The following DENND4C variants were observed in gnomAD, a reference collection of about 807,000 sequenced individuals.
The protein encoded by DENND4C is DENN domain containing 4C.
In DENND4C, 108 loss-of-function variants were observed where a neutral mutation model predicts 203.0. That is an observed-to-expected ratio of 0.53 (90% confidence interval 0.46 to 0.62). The LOEUF (loss-of-function observed/expected upper bound fraction) is 0.62. Ranked by LOEUF, DENND4C falls within the 20% of genes least tolerant of loss-of-function variation. DENND4C has a pLI of 0.00. For missense variants in DENND4C, 2,481 were observed against 2,301.2 expected (o/e 1.08, Z -1.60); for synonymous variants, 871 against 792.4 (o/e 1.10, Z -1.67).
chr9:19,352,275 G>A, intron 25 of DENND4C, 93 bp downstream of exon 25: 1 of 1,228,430 alleles, frequency 8.1e-7, no homozygotes, highest in African/African-American at 1.5e-5. Flanking sequence ...TACCCTTGTG[G>A]ACAGTATAAT....
chr9:19,288,293 C>A (rs901580429), intron 3 of DENND4C, among the ~76,000 whole-genome samples: 5 of 152,180 alleles, frequency 3.3e-5, no homozygotes, highest in African/African-American at 1.2e-4. Flanking sequence ...AATTTGGGCT[C>A]CAGTGCACAC....
intron 9 of DENND4C, among the ~76,000 whole-genome samples, chr9:19,304,862 T>G (rs2131370938): frequency 6.6e-6 from 1 of 152,050 alleles, no homozygotes; most frequent in African/African-American, 2.4e-5. Context: ...AATTTTTTTT[T>G]GTTGAGCTCT....
intron 2 of DENND4C, among the ~76,000 whole-genome samples, chr9:19,277,006 C>T (rs1035683873): frequency 5.9e-5 from 9 of 151,822 alleles, no homozygotes; most frequent in African/African-American, 2.2e-4. Flanking sequence ...CAGTGAAGGA[C>T]ATTCTTTTTT....
At chr9:19,292,347 A>T (rs899792182) in intron 5 of DENND4C, 1 of 151,934 alleles carries the variant, frequency 6.6e-6, no homozygotes, top group Non-Finnish European at 1.5e-5. Flanking sequence ...GCCTCTTATT[A>T]TATCATGGTG....
chr9:19,370,623 A>C (rs1459429588), intron 31 of DENND4C, among the ~76,000 whole-genome samples: 1 of 152,226 alleles, frequency 6.6e-6, no homozygotes, highest in African/African-American at 2.4e-5. Context: ...ATACCCACAC[A>C]TCTTTTCTTT....
chr9:19,370,136 A>C (rs1239222603), intron 31 of DENND4C, 149 bp downstream of exon 31: 20 of 948,142 alleles, frequency 2.1e-5, no homozygotes, highest in Non-Finnish European at 3.2e-5. Flanking sequence ...AGATATATAC[A>C]TTCCTACTTG....
rs745519123 is a variant in DENND4C at position 19,316,701 on chromosome 9, C to G, written c.1669C>G (p.Gln557Glu). The G allele has an allele frequency of 1.9e-6, 3 of 1,614,074 alleles. No homozygotes were observed. Among genetic ancestry groups the G allele is most frequent in the Non-Finnish European group, 2.5e-6 (3 of 1,179,994 alleles). ...ADFSWQKKMT[Q>E]LEMEIQEAFL... Reference sequence around the variant, plus strand: ...TTTCTCCTGGCAAAAGAAGATGACACAGCTTGAGATGGAAATTCAAGAGGC... The same window carrying G: ...TTTCTCCTGGCAAAAGAAGATGACAGAGCTTGAGATGGAAATTCAAGAGGC... The change falls in exon 12 of 33, where the codon CAG becomes GAG. Residue 557 changes from glutamine to glutamate, a missense_variant. Transcript: ENST00000434457.
At chr9:19,307,357 G>A (rs558630761) in intron 10 of DENND4C, among the ~76,000 whole-genome samples, 27 of 141,222 alleles carry the variant, frequency 1.9e-4, no homozygotes, top group Non-Finnish European at 3.7e-4. Context: ...TTGACCCACT[G>A]CACTGCAGCC....
At chr9:19,292,797 C>T (rs1409102079) in intron 5 of DENND4C, among the ~76,000 whole-genome samples, 3 of 152,126 alleles carry the variant, frequency 2.0e-5, no homozygotes, top group Non-Finnish European at 4.4e-5. Context: ...CCACCTGCCT[C>T]AGCCTCCCAA....
At chr9:19,345,082 G>A (rs1272126954) in intron 22 of DENND4C, among the ~76,000 whole-genome samples, 2 of 152,212 alleles carry the variant, frequency 1.3e-5, no homozygotes, top group African/African-American at 4.8e-5. Flanking sequence ...ATTTTAGCAT[G>A]TGGATTTTGG....
chr9:19,235,313 C>G (rs1384933912), intron 1 of DENND4C, among the ~76,000 whole-genome samples: 2 of 152,162 alleles, frequency 1.3e-5, no homozygotes, highest in African/African-American at 2.4e-5. Context: ...ATCATTAGGG[C>G]TGCTACAATA....
At chr9:19,277,632 A>C (rs1833147343) in intron 2 of DENND4C, among the ~76,000 whole-genome samples, 2 of 151,246 alleles carry the variant, frequency 1.3e-5, no homozygotes, top group African/African-American at 4.9e-5. Flanking sequence ...CTTCCTTTGC[A>C]GTTTGGATGC....
chr9:19,262,760 G>A (rs1221955455), intron 1 of DENND4C, among the ~76,000 whole-genome samples: 1 of 151,908 alleles, frequency 6.6e-6, no homozygotes, highest in Non-Finnish European at 1.5e-5. Flanking sequence ...GTAGAGATGG[G>A]GTTTCACCAT....
chr9:19,360,789 G>A (rs1826303572), intron 29 of DENND4C, among the ~76,000 whole-genome samples: 1 of 152,172 alleles, frequency 6.6e-6, no homozygotes, highest in South Asian at 2.1e-4. Context: ...GGATGGAGAG[G>A]AGAGTATGTC....
chr9:19,317,286 C>G (rs1444643216), intron 12 of DENND4C, among the ~76,000 whole-genome samples: 4 of 150,478 alleles, frequency 2.7e-5, no homozygotes, highest in Non-Finnish European at 5.9e-5. Flanking sequence ...TTCCAAAATG[C>G]TGGGATTACA....
intron 27 of DENND4C, 146 bp downstream of exon 27, chr9:19,357,300 C>A: frequency 1.5e-6 from 1 of 678,134 alleles, no homozygotes; most frequent in Non-Finnish European, 2.4e-6. Context: ...TAGTGTTTAA[C>A]GAGCTAATGA....
chr9:19,255,255 A>G (rs567882670), intron 1 of DENND4C, among the ~76,000 whole-genome samples: 1 of 152,042 alleles, frequency 6.6e-6, no homozygotes, highest in Non-Finnish European at 1.5e-5. Flanking sequence ...GTTAGAAAAA[A>G]TTAGCTGGAT....
intron 1 of DENND4C, among the ~76,000 whole-genome samples, chr9:19,239,072 T>C (rs1007900072): frequency 6.6e-6 from 1 of 152,158 alleles, no homozygotes; most frequent in Non-Finnish European, 1.5e-5. Flanking sequence ...GATACTGATA[T>C]TTATTGTTTC....
intron 9 of DENND4C, among the ~76,000 whole-genome samples, chr9:19,302,757 T>C (rs1447960498): frequency 6.6e-6 from 1 of 152,218 alleles, no homozygotes; most frequent in African/African-American, 2.4e-5. Context: ...TTCTCCAGCA[T>C]TCTGGCCTTA....
Sources: allele counts gnomAD v4.1 joint callset (sites outside exome capture counted in the v4.1 genomes callset), GRCh38; gene constraint gnomAD v4.1.1; transcripts MANE v1.5; gene names NCBI Gene and HGNC (gene_info 2026-07-23, HGNC 2026-07-21).